The following LYRM9 variants were observed in gnomAD, a reference collection of about 807,000 sequenced individuals.
The protein encoded by LYRM9 is LYR motif-containing protein 9.
LYRM9 carries 14 observed loss-of-function variants against 12.6 expected under a neutral mutation model. The ratio of observed to expected loss-of-function variants is 1.11; its 90% CI spans 0.73 to 1.73. LYRM9 has a LOEUF of 1.73. LYRM9 is among the 40% of genes most tolerant of loss of function. The pLI is 0.00. For missense variants in LYRM9, 94 were observed against 95.0 expected, an observed-to-expected ratio of 0.99 and a Z score of 0.04; for synonymous variants, 42 against 35.1, an observed-to-expected ratio of 1.20 and a Z score of -0.69.
intron 1 of LYRM9, among the ~76,000 whole-genome samples, chr17:27,884,478 G>A (rs867081009): frequency 2.0e-5 from 3 of 152,184 alleles, no homozygotes; most frequent in Non-Finnish European, 2.9e-5. Flanking sequence ...CTCCCTGGCC[G>A]TGGACTCCTT....
chr17:27,888,619 C>G (rs941578276), intron 1 of LYRM9, among the ~76,000 whole-genome samples: 4 of 152,174 alleles, frequency 2.6e-5, no homozygotes, highest in Non-Finnish European at 5.9e-5. Flanking sequence ...AAAGACAGCA[C>G]AGAGAGAAGA....
chr17:27,887,386 G>T (rs984137670), intron 1 of LYRM9, among the ~76,000 whole-genome samples: 2 of 152,212 alleles, frequency 1.3e-5, no homozygotes, highest in African/African-American at 2.4e-5. Flanking sequence ...TCATAAAACT[G>T]ATTTTTTATG....
Position 27,879,462 on chromosome 17 carries a change from C to G in LYRM9, c.*11G>C, listed in dbSNP as rs1182584944. ...ACTTCCAGAGGCCAGGAAGGCTCAC[C>G]CTCGGAGCTCTCAGTTTTGTTTTTT... On this transcript the variant is annotated 3_prime_UTR_variant, in exon 4 of 4. Transcript: ENST00000379102. The G allele has an allele frequency of 6.4e-7, 1 of 1,551,234 alleles. No homozygotes were observed. Among genetic ancestry groups the G allele is most frequent in the Non-Finnish European group, 8.7e-7 (1 of 1,146,960 alleles).
intron 2 of LYRM9, among the ~76,000 whole-genome samples, chr17:27,881,813 AT>A (rs10711592): frequency 0.79 from 117,340 of 149,448 alleles, 46,499 homozygotes; most frequent in African/African-American, 0.91. Context: ...AGTAATATTC[AT>A]TTTTTTTTTT....
intron 1 of LYRM9, among the ~76,000 whole-genome samples, chr17:27,887,740 G>A (rs1180717634): frequency 3.3e-5 from 5 of 152,002 alleles, no homozygotes; most frequent in Non-Finnish European, 7.4e-5. Context: ...GTGTGTGTGT[G>A]TGTGTGTGTG....
chr17:27,883,194 G>A (rs957662359), intron 1 of LYRM9: 1 of 345,158 alleles, frequency 2.9e-6, no homozygotes, highest in African/African-American at 2.2e-5. Flanking sequence ...CATCACAAAT[G>A]TAGTCTTGGG....
At chr17:27,883,773 C>T (rs902148561) in intron 1 of LYRM9, among the ~76,000 whole-genome samples, 34 of 126,934 alleles carry the variant, frequency 2.7e-4, no homozygotes, top group African/African-American at 9.9e-4. Context: ...CCCAAGATCA[C>T]ACAGCTAATA....
chr17:27,883,282 C>T, intron 1 of LYRM9: 1 of 288,362 alleles, frequency 3.5e-6, no homozygotes, highest in South Asian at 3.0e-5. Flanking sequence ...ATTTTAAAGT[C>T]TGAGAAGCAT....
At chr17:27,883,972 T>C (rs985094280) in intron 1 of LYRM9, among the ~76,000 whole-genome samples, 2 of 146,662 alleles carry the variant, frequency 1.4e-5, no homozygotes, top group Middle Eastern at 3.6e-3. Flanking sequence ...GCCACCGTCA[T>C]AATCAAGAGA....
At chr17:27,889,329 C>T (rs755595791) in intron 1 of LYRM9, among the ~76,000 whole-genome samples, 11 of 148,984 alleles carry the variant, frequency 7.4e-5, no homozygotes, top group African/African-American at 2.7e-4. Flanking sequence ...TTTTTTGAGA[C>T]GGCATTTCGC....
intron 1 of LYRM9, among the ~76,000 whole-genome samples, chr17:27,890,388 A>G (rs1026228243): frequency 2.0e-5 from 3 of 152,152 alleles, no homozygotes; most frequent in African/African-American, 7.2e-5. Flanking sequence ...CTGCATATAG[A>G]TGGAAAAAAA....
rs1009735146 is a variant in LYRM9 at position 27,886,811 on chromosome 17, A to G, written c.-18-4099T>C. On this transcript the variant is annotated intron_variant, in intron 1 of 3. Coordinates refer to ENST00000379102, the MANE Select transcript of LYRM9 (RefSeq NM_001076680.3). The surrounding 1 kb of genome is among the most constrained non-coding windows in gnomAD (Gnocchi z 4.8). ...CAGGTGCATGCCACCACACCCAGCT[A>G]ATTTTCGTATTTTTAGTAGAGATGG... Among the ~76,000 whole-genome samples the G allele has an allele frequency of 4.0e-5, 6 of 151,786 alleles. No homozygotes were observed. Among genetic ancestry groups the G allele is most frequent in the African/African-American group, 1.5e-4 (6 of 41,302 alleles).
intron 1 of LYRM9, among the ~76,000 whole-genome samples, chr17:27,885,498 G>A (rs971766558): frequency 6.6e-6 from 1 of 152,014 alleles, no homozygotes; most frequent in Admixed American, 6.6e-5. Flanking sequence ...ATTGCTTGAA[G>A]CCAGGAGTTT....
intron 2 of LYRM9, among the ~76,000 whole-genome samples, chr17:27,881,979 G>A (rs545036357): frequency 1.3e-5 from 2 of 152,190 alleles, no homozygotes; most frequent in Non-Finnish European, 2.9e-5. Context: ...GGTTGGTCTT[G>A]AACTCCTGAG....
rs770116630 is a variant in LYRM9, at chr17:27,882,716, G to A, written c.-18-4C>T. On this transcript the variant is annotated splice_region_variant and splice_polypyrimidine_tract_variant and intron_variant, in intron 1 of 3. Coordinates refer to ENST00000379102, the MANE Select transcript of LYRM9 (RefSeq NM_001076680.3). ...CCATCCGTGAGACCCTCTGTCCCTG[G>A]AAAACAAGCAGGATCACTTCCAGGG... is the stretch of plus-strand genomic sequence containing the variant. The A allele has an allele frequency of 1.3e-4, 200 of 1,583,248 alleles. No homozygotes were observed. The East Asian group carries it at 3.8e-3, about 30-fold the overall frequency.
chr17:27,882,616 G>A lies in LYRM9; in HGVS notation c.79C>T (p.Leu27=). 1.3e-6 allele frequency: 2 copies of A among 1,598,248 alleles called. No homozygotes were observed. Among genetic ancestry groups the A allele is most frequent in the Non-Finnish European group, 1.7e-6 (2 of 1,173,284 alleles). The change falls in exon 2 of 4, where the codon CTG becomes TTG. Residue 27 remains leucine (L), a synonymous_variant. Coordinates refer to ENST00000379102, the MANE Select transcript of LYRM9 (RefSeq NM_001076680.3). The part of the protein sequence containing the change: ...YRYLLRCCQQ[L]PTKGIQQHYK... The stretch of plus-strand genomic sequence containing the variant: ...TGCTGCTGGATGCCCTTGGTCGGCA[G>A]CTGCTGGCAACAGCGCAGCAAGTAT...
intron 1 of LYRM9, 50 bp from the exon 2 acceptor site, chr17:27,882,762 T>G (rs1238584238): frequency 1.3e-6 from 2 of 1,508,524 alleles, no homozygotes; most frequent in African/African-American, 2.8e-5. Flanking sequence ...AGTTCAGTAC[T>G]CAGCCCTGAC....
intron 3 of LYRM9, 142 bp downstream of exon 3, chr17:27,880,132 T>C: frequency 1.4e-6 from 1 of 727,538 alleles, no homozygotes; most frequent in East Asian, 2.7e-5. Flanking sequence ...TTTCAGCTTC[T>C]GGAGGAGGGA....
intron 1 of LYRM9, chr17:27,892,311 TG>T (rs1170889811): frequency 4.7e-6 from 2 of 422,334 alleles, no homozygotes; most frequent in Non-Finnish European, 9.2e-6. Flanking sequence ...GAAACTATAC[TG>T]TATTAGTTCA....
Sources: gnomAD v4.1 joint callset for allele counts (sites outside exome capture counted in the v4.1 genomes callset) on GRCh38, gnomAD v4.1.1 for gene constraint, Gnocchi (gnomAD v3.1) non-coding constraint, MANE v1.5 for transcripts, NCBI Gene and HGNC (gene_info 2026-07-23, HGNC 2026-07-21) for gene names.